CATSPERB: variants seen among roughly 807,000 people sequenced by gnomAD.
CATSPERB encodes the protein catsper channel auxiliary subunit beta.
CATSPERB carries 93 observed loss-of-function variants against 128.3 expected under a neutral mutation model. That is an observed-to-expected ratio of 0.72 (90% confidence interval 0.61 to 0.86). CATSPERB has a LOEUF of 0.86. Ranked by LOEUF, CATSPERB falls within the 40% of genes least tolerant of loss-of-function variation. The probability of loss-of-function intolerance (pLI) is 0.00; values close to 1 mark genes in which losing one functional copy is unlikely to be tolerated. For synonymous variants in CATSPERB, 381 were observed against 448.8 expected (o/e 0.85, Z 1.91); for missense variants, 1,153 against 1,329.5 (o/e 0.87, Z 2.06).
At chr14:91,717,410 G>C (rs1281579954) in intron 5 of CATSPERB, among the ~76,000 whole-genome samples, 1 of 152,160 alleles carries the variant, frequency 6.6e-6, no homozygotes, top group African/African-American at 2.4e-5. Flanking sequence ...TGTAAATCAA[G>C]GAGGGGCTGT....
intron 15 of CATSPERB, among the ~76,000 whole-genome samples, chr14:91,657,453 A>G (rs1894806893): frequency 6.6e-6 from 1 of 152,112 alleles, no homozygotes; most frequent in African/African-American, 2.4e-5. Flanking sequence ...CACGACATTA[A>G]TCTAGGCAAA....
At chr14:91,624,761 A>C in intron 18 of CATSPERB, 59 bp downstream of exon 18, 2 of 1,316,576 alleles carry the variant, frequency 1.5e-6, no homozygotes, top group Non-Finnish European at 2.0e-6. Context: ...ATGCCTTCAC[A>C]AAAGATAATT....
At chr14:91,683,722 C>T (rs1446645155) in intron 11 of CATSPERB, among the ~76,000 whole-genome samples, 155 bp downstream of exon 11, 2 of 152,140 alleles carry the variant, frequency 1.3e-5, no homozygotes, top group Non-Finnish European at 2.9e-5. Flanking sequence ...CAGCATCACT[C>T]CTGAATGCCT....
rs1387859952 is a variant in CATSPERB, at chr14:91,624,839, T to C, written c.1911A>G (p.Lys637=). 1.2e-6 allele frequency: 2 copies of C among 1,604,620 alleles called. No homozygotes were observed. Among genetic ancestry groups the C allele is most frequent in the Non-Finnish European group, 1.7e-6 (2 of 1,177,434 alleles). ...LLINKAGNVY[K]LTLDSQVVQA... is the part of the protein sequence containing the mutation. Reference sequence around the variant, plus strand: ...ACCTACCTTGTGAATCAAGAGTGAGTTTATAGACATTTCCAGCTTTATTAA... The same window carrying C: ...ACCTACCTTGTGAATCAAGAGTGAGCTTATAGACATTTCCAGCTTTATTAA... Residue 637 remains lysine, a synonymous_variant, in exon 18 of 27, where the codon AAA becomes AAG. Transcript: ENST00000256343.
At chr14:91,651,502 A>G (rs1455122054) in intron 15 of CATSPERB, among the ~76,000 whole-genome samples, 1 of 152,184 alleles carries the variant, frequency 6.6e-6, no homozygotes, top group African/African-American at 2.4e-5. Flanking sequence ...ACCTGAGAGG[A>G]ATTACGTTTC....
chr14:91,633,820 A>G (rs1894318448), intron 17 of CATSPERB, among the ~76,000 whole-genome samples: 1 of 149,856 alleles, frequency 6.7e-6, no homozygotes, highest in Non-Finnish European at 1.5e-5. Flanking sequence ...AAATGCTTAA[A>G]TATATATATA....
intron 7 of CATSPERB, among the ~76,000 whole-genome samples, chr14:91,697,316 G>A (rs1197498969): frequency 6.6e-6 from 1 of 152,094 alleles, no homozygotes; most frequent in Non-Finnish European, 1.5e-5. Context: ...GAATTATGGT[G>A]AGAACAGAGG....
chr14:91,718,559 T>C lies in CATSPERB; in HGVS notation c.370+859A>G, dbSNP rs534307859. On this transcript the variant is annotated intron_variant, in intron 5 of 26. Transcript: ENST00000256343. Reference sequence around the variant, plus strand: ...AATGGGTCAACTGAAGATACTGTCCTGGGAATTTGGAATTGGGCTGACCCA... The same window carrying C: ...AATGGGTCAACTGAAGATACTGTCCCGGGAATTTGGAATTGGGCTGACCCA... Among the ~76,000 whole-genome samples the C allele has an allele frequency of 7.2e-5, 11 of 152,294 alleles. No homozygotes were observed. The South Asian group carries it at 2.3e-3, about 32-fold the overall frequency.
intron 7 of CATSPERB, among the ~76,000 whole-genome samples, chr14:91,695,195 T>A (rs932682046): frequency 4.7e-5 from 7 of 149,846 alleles, no homozygotes; most frequent in African/African-American, 1.7e-4. Flanking sequence ...AGTGGCGCAA[T>A]CTCCACTCAC....
intron 19 of CATSPERB, among the ~76,000 whole-genome samples, chr14:91,618,408 G>A (rs1293271173): frequency 6.6e-6 from 1 of 152,188 alleles, no homozygotes; most frequent in African/African-American, 2.4e-5. Flanking sequence ...TCCTATTCAA[G>A]ATGAAGTTGC....
intron 17 of CATSPERB, among the ~76,000 whole-genome samples, chr14:91,630,146 A>G (rs1458553527): frequency 6.6e-6 from 1 of 152,232 alleles, no homozygotes. Context: ...TGCAGCATGC[A>G]TCACAGTTGA....
At chr14:91,666,944 A>C (rs1308033440) in intron 14 of CATSPERB, among the ~76,000 whole-genome samples, 1 of 152,184 alleles carries the variant, frequency 6.6e-6, no homozygotes, top group Non-Finnish European at 1.5e-5. Context: ...TCCTGACCTT[A>C]ACCTATATAT....
chr14:91,672,245 C>T (rs888098253), intron 13 of CATSPERB, among the ~76,000 whole-genome samples: 1 of 152,032 alleles, frequency 6.6e-6, no homozygotes, highest in Non-Finnish European at 1.5e-5. Flanking sequence ...ACGATAGGGG[C>T]CGAACTTATG....
At chr14:91,666,788 C>A (rs1894991145) in intron 14 of CATSPERB, among the ~76,000 whole-genome samples, 1 of 152,200 alleles carries the variant, frequency 6.6e-6, no homozygotes, top group South Asian at 2.1e-4. Context: ...CCTTGAGGGA[C>A]TGGTGCTTCA....
chr14:91,682,160 T>C (rs1264016454), intron 11 of CATSPERB, among the ~76,000 whole-genome samples: 1 of 152,092 alleles, frequency 6.6e-6, no homozygotes, highest in African/African-American at 2.4e-5. Flanking sequence ...GTACTTGGAG[T>C]CATTTCTATA....
At chr14:91,683,767 G>T in intron 11 of CATSPERB, 110 bp downstream of exon 11, 1 of 663,630 alleles carries the variant, frequency 1.5e-6, no homozygotes, top group Non-Finnish European at 2.5e-6. Flanking sequence ...ACCCTCCCCA[G>T]CCTAAAGTTT....
chr14:91,635,482 C>T (rs1184903617), intron 17 of CATSPERB: 1 of 151,922 alleles, frequency 6.6e-6, no homozygotes, highest in East Asian at 1.9e-4. Context: ...TCGGTCTTCC[C>T]AGTAGCTGGG....
At chr14:91,687,118 A>G (rs185662228) in intron 10 of CATSPERB, among the ~76,000 whole-genome samples, 152 of 152,314 alleles carry the variant, frequency 1.0e-3, no homozygotes, top group Non-Finnish European at 1.6e-3. Flanking sequence ...CTGAAAAGAT[A>G]TAAAATAAAA....
chr14:91,704,805 A>G, intron 6 of CATSPERB, 104 bp from the exon 7 acceptor site: 3 of 1,226,182 alleles, frequency 2.4e-6, no homozygotes, highest in Non-Finnish European at 3.4e-6. Flanking sequence ...AAACTATTCT[A>G]TAGTTCAAAA....
Sources: allele counts gnomAD v4.1 joint callset (sites outside exome capture counted in the v4.1 genomes callset), GRCh38; gene constraint gnomAD v4.1.1; transcripts MANE v1.5; gene names NCBI Gene and HGNC (gene_info 2026-07-23, HGNC 2026-07-21).